The following NRG4 variants were observed in gnomAD, a reference collection of about 807,000 sequenced individuals.
NRG4 encodes the protein neuregulin 4, also known as pro-neuregulin-4, membrane-bound isoform.
A neutral mutation model predicts 15.0 loss-of-function variants in NRG4; 10 were observed. The observed-to-expected ratio is 0.67, with a 90% CI of 0.41 to 1.13. The LOEUF is 1.13. NRG4 is among the 50% of genes most tolerant of loss of function. The pLI is 0.00. For synonymous variants in NRG4, 41 were observed against 50.1 expected, an observed-to-expected ratio of 0.82 and a Z score of 0.77; for missense variants, 139 against 140.2, an observed-to-expected ratio of 0.99 and a Z score of 0.04.
intron 4 of NRG4, among the ~76,000 whole-genome samples, chr15:75,961,154 A>C (rs1263506701): frequency 6.6e-6 from 1 of 152,218 alleles, no homozygotes; most frequent in Non-Finnish European, 1.5e-5. Flanking sequence ...ATTAATGATG[A>C]GAGTTATGCC....
At chr15:76,030,871 T>TC (rs1442624178) in intron 5 of NRG4, among the ~76,000 whole-genome samples, 2 of 152,128 alleles carry the variant, frequency 1.3e-5, no homozygotes, top group Admixed American at 6.6e-5. Flanking sequence ...AATGAACATT[T>TC]CCCAACTCAT....
intron 3 of NRG4, among the ~76,000 whole-genome samples, chr15:75,964,982 T>C (rs1238464053): frequency 1.3e-5 from 2 of 151,882 alleles, no homozygotes; most frequent in East Asian, 3.9e-4. Context: ...TCCCAGCAGT[T>C]TGGGAGGCCG....
At chr15:76,031,993 G>A (rs915375224) in intron 5 of NRG4, among the ~76,000 whole-genome samples, 3 of 151,966 alleles carry the variant, frequency 2.0e-5, no homozygotes, top group Non-Finnish European at 2.9e-5. Flanking sequence ...CAGCACACAG[G>A]GTAAACAAGA....
intron 3 of NRG4, among the ~76,000 whole-genome samples, chr15:76,002,574 A>T (rs1256213113): frequency 6.6e-6 from 1 of 152,212 alleles, no homozygotes; most frequent in East Asian, 1.9e-4. Flanking sequence ...TTGAATTTTT[A>T]AAAAACCTGT....
intron 3 of NRG4, among the ~76,000 whole-genome samples, chr15:75,966,926 C>T (rs1290790803): frequency 6.6e-6 from 1 of 151,940 alleles, no homozygotes; most frequent in Non-Finnish European, 1.5e-5. Flanking sequence ...ACCAGCCTGG[C>T]CAAGATGGTG....
At chr15:75,948,615 G>A (rs1382275660) in intron 5 of NRG4, among the ~76,000 whole-genome samples, 1 of 149,690 alleles carries the variant, frequency 6.7e-6, no homozygotes, top group Non-Finnish European at 1.5e-5. Context: ...GTTAATTTTT[G>A]TATATGGTGA....
intron 3 of NRG4, among the ~76,000 whole-genome samples, chr15:75,985,892 A>G (rs994416859): frequency 3.3e-5 from 5 of 152,244 alleles, no homozygotes; most frequent in African/African-American, 9.6e-5. Flanking sequence ...TTTGCAACTC[A>G]TATCTCAGTC....
At chr15:76,019,004 C>CT (rs751742750) in intron 5 of NRG4, among the ~76,000 whole-genome samples, 436 of 148,094 alleles carry the variant, frequency 2.9e-3, no homozygotes, top group African/African-American at 5.2e-3. Context: ...GGGCTGCTGC[C>CT]TTTTTTTTTT....
At chr15:76,033,181 G>T (rs1310383545) in intron 5 of NRG4, among the ~76,000 whole-genome samples, 1 of 152,178 alleles carries the variant, frequency 6.6e-6, no homozygotes, top group Non-Finnish European at 1.5e-5. Flanking sequence ...CCTCAAAAAT[G>T]CAATTTTACA....
rs1311552894 is a variant in NRG4, at chr15:75,943,515, C to T, written c.*123G>A. 1.4e-5 allele frequency: 9 copies of T among 666,488 alleles called. No homozygotes were observed. Among genetic ancestry groups the T allele is most frequent in the East Asian group, 2.7e-5 (1 of 37,616 alleles). 41.3% of individuals were successfully genotyped at this position (666,488 alleles called of 1,614,324 possible). A position where few individuals can be genotyped will look rare whatever the true frequency, so the allele number is the denominator to read the frequency against. ...GCAGAATGGATTATGGTTCATGATA[C>T]GAGTTACACAAGCGTTTTATTTAAG... On this transcript the variant is annotated 3_prime_UTR_variant, in exon 6 of 6. Coordinates refer to ENST00000394907, the MANE Select transcript of NRG4 (RefSeq NM_138573.4).
intron 5 of NRG4, among the ~76,000 whole-genome samples, chr15:76,017,558 G>T (rs2141922037): frequency 6.6e-6 from 1 of 152,212 alleles, no homozygotes; most frequent in South Asian, 2.1e-4. Context: ...GCATTTGCTT[G>T]TCTGTAAAGG....
At chr15:76,051,676 G>A (rs2141966485) in intron 4 of NRG4, among the ~76,000 whole-genome samples, 1 of 148,262 alleles carries the variant, frequency 6.7e-6, no homozygotes, top group South Asian at 2.1e-4. Flanking sequence ...CCATTCTCCT[G>A]CCTCGGCCTC....
Position 75,955,933 on chromosome 15 carries a change from G to C in NRG4, c.330C>G (p.His110Gln). The C allele has an allele frequency of 6.4e-7, 1 of 1,573,140 alleles. No individual in the cohort carries two copies. Among genetic ancestry groups the C allele is most frequent in the South Asian group, 1.1e-5 (1 of 90,220 alleles). ...LVETSSTSAHHSHEQH is the reference protein window; with the variant it reads ...LVETSSTSAHQSHEQH The stretch of plus-strand genomic sequence containing the variant: ...AGCATTTGTTTTGAGTTTACTCACT[G>C]TGGTGGGCACTGGTACTGCTCGTCT... Residue 110 changes from histidine to glutamine, a missense_variant and splice_region_variant, in exon 5 of 6, where the codon CAC (histidine) becomes CAG (glutamine). Physicochemically the swap from His to Gln is conservative, Grantham distance 24. Coordinates refer to ENST00000394907, the MANE Select transcript of NRG4 (RefSeq NM_138573.4).
chr15:76,043,633 T>G (rs889052882), intron 4 of NRG4, among the ~76,000 whole-genome samples: 39 of 152,020 alleles, frequency 2.6e-4, no homozygotes, highest in Non-Finnish European at 5.6e-4. Context: ...TGCAAGAAAT[T>G]GAAAAAGACA....
rs573031323 is a variant in NRG4, at chr15:76,046,219, G to T, written c.-105+5848C>A. 4.0e-4 allele frequency among the ~76,000 whole-genome samples: 60 copies of T among 151,066 alleles called. 5 individuals carry two copies. Among genetic ancestry groups the T allele is most frequent in the African/African-American group, 1.5e-3 (60 of 40,634 alleles). On this transcript the variant is annotated intron_variant, in intron 4 of 8. Coordinates refer to the NRG4 transcript ENST00000563910. ...ATTGAAGAGGACACGCACAAAAAAGGAAAGATATTCCATACTCATTAATTG... is the reference window on the plus strand; with the variant it reads ...ATTGAAGAGGACACGCACAAAAAAGTAAAGATATTCCATACTCATTAATTG...
chr15:76,051,295 G>A (rs927480662), intron 4 of NRG4, among the ~76,000 whole-genome samples: 2 of 149,994 alleles, frequency 1.3e-5, no homozygotes, highest in African/African-American at 5.0e-5. Flanking sequence ...GTGAGCCACC[G>A]CGCCCGGCCT....
At chr15:75,978,138 T>C (rs1458951935) in intron 3 of NRG4, among the ~76,000 whole-genome samples, 2 of 152,126 alleles carry the variant, frequency 1.3e-5, no homozygotes, top group African/African-American at 4.8e-5. Flanking sequence ...TTTTGAAATA[T>C]ACAATAAATC....
chr15:75,983,258 GGTAA>G (rs1302183144), intron 3 of NRG4, among the ~76,000 whole-genome samples: 1 of 152,076 alleles, frequency 6.6e-6, no homozygotes, highest in African/African-American at 2.4e-5. Flanking sequence ...GCAGAGAAAT[GGTAA>G]GTCTCAGCAG....
At chr15:76,052,296 A>G (rs1383167820) in intron 3 of NRG4, 1 of 151,154 alleles carries the variant, frequency 6.6e-6, no homozygotes, top group Non-Finnish European at 1.5e-5. Context: ...ACTTAGTGAT[A>G]CCTCAAAGGA....
Sources: allele counts gnomAD v4.1 joint callset (sites outside exome capture counted in the v4.1 genomes callset), GRCh38; gene constraint gnomAD v4.1.1; transcripts MANE v1.5; gene names NCBI Gene and HGNC (gene_info 2026-07-23, HGNC 2026-07-21).